Variants in CARS2 observed in about 807,000 individuals in gnomAD.
The protein encoded by CARS2 is cysteinyl-tRNA synthetase 2, mitochondrial.
A neutral mutation model predicts 68.8 loss-of-function variants in CARS2; 52 were observed. The observed-to-expected ratio is 0.76, with a 90% CI of 0.61 to 0.95. The LOEUF (loss-of-function observed/expected upper bound fraction) is 0.95, where lower values mean the gene tolerates loss of function less well. Ranked by LOEUF, CARS2 falls within the 40% of genes least tolerant of loss-of-function variation. The probability of loss-of-function intolerance (pLI) is 0.00; values close to 1 mark genes in which losing one functional copy is unlikely to be tolerated. For missense variants in CARS2, 780 were observed against 754.2 expected, an observed-to-expected ratio of 1.03 and a Z score of -0.40; for synonymous variants, 314 against 303.6, an observed-to-expected ratio of 1.03 and a Z score of -0.36.
At chr13:110,643,977 C>T (rs1040955297) in intron 13 of CARS2, 15 of 534,322 alleles carry the variant, frequency 2.8e-5, no homozygotes, top group African/African-American at 2.0e-4. Context: ...TCGGGGAGCC[C>T]GTCCTGTCCG....
intron 3 of CARS2, among the ~76,000 whole-genome samples, chr13:110,694,277 C>T (rs775672114): frequency 1.4e-4 from 21 of 151,360 alleles, no homozygotes; most frequent in East Asian, 4.0e-4. Context: ...CCTCCCACCT[C>T]GGCCTCCCAA....
Position 110,642,295 on chromosome 13 carries a change from G to T in CARS2, c.1623+20C>A. On this transcript the variant is annotated intron_variant, in intron 14 of 14. Coordinates refer to ENST00000257347, the MANE Select transcript of CARS2 (RefSeq NM_024537.4). ...ACCCGGCTCCTGGGGTGATGTCCCT[G>T]ACCTTGGTGCGGCACTCACCTTGAT... 1 of 1,540,542 alleles carries T rather than the reference G, an allele frequency of 6.5e-7. No individual in the cohort carries two copies. The highest frequency in any genetic ancestry group is 1.2e-5 in the South Asian group (1 of 83,764).
At chr13:110,652,443 A>G (rs1172112650) in intron 9 of CARS2, among the ~76,000 whole-genome samples, 3 of 152,232 alleles carry the variant, frequency 2.0e-5, no homozygotes, top group Non-Finnish European at 4.4e-5. Flanking sequence ...AACACACACA[A>G]CTGAAGAGCG....
chr13:110,663,407 C>A lies in CARS2; in HGVS notation c.987+44G>T, dbSNP rs370661384. 2.5e-5 allele frequency: 40 copies of A among 1,584,340 alleles called. No individual in the cohort carries two copies. The African/African-American group carries it at 5.0e-4, about 20-fold the overall frequency. On this transcript the variant is annotated intron_variant, in intron 9 of 14. Coordinates refer to ENST00000257347, the MANE Select transcript of CARS2 (RefSeq NM_024537.4). ...ACAGAAGCCTTTAAGATGGGTTCCA[C>A]AAGCTATCGGCACCTCAGAGATACA...
At position 110,642,406 on chromosome 13, in the gene CARS2, G is replaced by C; in HGVS notation, c.1532C>G (p.Ala511Gly). The stretch of plus-strand genomic sequence containing the variant: ...CCTTTCTAGGAGCTGCTGCCGCCGG[G>C]CGTCCCCCGTGGCCTCGGGCATGGC... ...ALAMPEATGD[A>G]RRQQLLERQP... The change falls in exon 14 of 15, where the codon GCC becomes GGC. Residue 511 changes from alanine (A) to glycine (G), a missense_variant. Transcript: ENST00000257347. 6.3e-7 allele frequency: 1 copy of C among 1,585,084 alleles called. No homozygotes were observed. The highest frequency in any genetic ancestry group is 8.6e-7 in the Non-Finnish European group (1 of 1,165,610).
In CARS2 at chr13:110,651,075, T is replaced by C. The variant is rs373398364; in HGVS notation, c.1013A>G (p.Asp338Gly). The C allele has an allele frequency of 6.8e-6, 11 of 1,613,324 alleles. No homozygotes were observed. In the African/African-American group the frequency reaches 1.5e-4, roughly 22 times the overall value. ...CCGCAGGCAGAAGAACCGGAAGACA[T>C]CGGGGGAAAAGGTCTTCAGAAAGTC... ...IKDFLKTFSP[D>G]VFRFFCLRSS... The change falls in exon 10 of 15, where the codon GAT becomes GGT. Residue 338 changes from aspartate (D) to glycine (G), a missense_variant. By Grantham distance (94) the Asp-to-Gly change is moderately conservative. Coordinates refer to ENST00000257347, the MANE Select transcript of CARS2 (RefSeq NM_024537.4).
intron 1 of CARS2, chr13:110,712,534 G>GGGGT: frequency 3.2e-6 from 1 of 314,914 alleles, no homozygotes; most frequent in South Asian, 2.6e-5. Flanking sequence ...GCCGGAAGGG[G>GGGGT]GGGGGCCGGC....
Position 110,642,373 on chromosome 13 carries a change from A to G in CARS2, c.1565T>C (p.Leu522Pro). The change falls in exon 14 of 15, where the codon CTG becomes CCG. Residue 522 changes from leucine (L) to proline (P), a missense_variant. Physicochemically the swap from Leu to Pro is moderately conservative, Grantham distance 98. Transcript: ENST00000257347. ...GCGCAGGGTGTCGCATGCTTCCAGC[A>G]GGGGCTGCCTTTCTAGGAGCTGCTG... ...RRQQLLERQP[L>P]LEACDTLRRG... The G allele has an allele frequency of 6.4e-7, 1 of 1,560,358 alleles. No individual in the cohort carries two copies. Among genetic ancestry groups the G allele is most frequent in the South Asian group, 1.2e-5 (1 of 85,034 alleles).
intron 5 of CARS2, among the ~76,000 whole-genome samples, chr13:110,685,991 TGAAAAAAAAAAAAAAAGAGAAAAAAA>T (rs950096567): frequency 2.5e-4 from 3 of 12,224 alleles, no homozygotes; most frequent in African/African-American, 9.5e-4. Context: ...CCAGAAAAAA[TGAAAAAAAAAAAAAAAGAGAAAAAAA>T]GAAAAAAAGA....
intron 3 of CARS2, among the ~76,000 whole-genome samples, chr13:110,693,561 G>A (rs546580068): frequency 1.4e-4 from 21 of 152,124 alleles, no homozygotes; most frequent in African/African-American, 2.9e-4. Flanking sequence ...GGGTTTTACC[G>A]TGTTAGCCAG....
At chr13:110,674,329 A>G (rs2062884279) in intron 7 of CARS2, among the ~76,000 whole-genome samples, 1 of 152,008 alleles carries the variant, frequency 6.6e-6, no homozygotes, top group Non-Finnish European at 1.5e-5. Flanking sequence ...CTACAAGGCT[A>G]CAGTAACCAA....
At chr13:110,712,532 G>GGT (rs1555306518) in intron 1 of CARS2, 1 of 315,178 alleles carries the variant, frequency 3.2e-6, no homozygotes, top group Non-Finnish European at 6.2e-6. Context: ...TGGCCGGAAG[G>GGT]GGGGGGGCCG....
intron 2 of CARS2, among the ~76,000 whole-genome samples, chr13:110,704,445 C>T (rs28513972): frequency 0.12 from 18,261 of 152,242 alleles, 1,761 homozygotes; most frequent in African/African-American, 0.26. Context: ...CAGAGTATGC[C>T]GGGCATGGTG....
chr13:110,646,871 C>T, intron 11 of CARS2: 1 of 504,394 alleles, frequency 2.0e-6, no homozygotes, highest in Non-Finnish European at 3.5e-6. Flanking sequence ...GACCCCACAC[C>T]TCCTGTCCAG....
At position 110,665,363 on chromosome 13, in the gene CARS2, T is replaced by C. The variant is rs1244110077; in HGVS notation, c.920-1845A>G. The C allele has an allele frequency of 1.2e-6, 1 of 820,292 alleles. No individual in the cohort carries two copies. Among genetic ancestry groups the C allele is most frequent in the Non-Finnish European group, 1.5e-6 (1 of 679,372 alleles). 50.8% of individuals were successfully genotyped at this position (820,292 alleles called of 1,614,324 possible). A position where few individuals can be genotyped will look rare whatever the true frequency, so the allele number is the denominator to read the frequency against. On this transcript the variant is annotated intron_variant, in intron 8 of 14. Coordinates refer to ENST00000257347, the MANE Select transcript of CARS2 (RefSeq NM_024537.4). The surrounding 1 kb of genome is among the most constrained non-coding windows in gnomAD (Gnocchi z 4.3). ...AGAACAGCTGAGGCAGGAGAATTGC[T>C]TGAACCCAGGAGGCAGAGGTTGCGG...
At chr13:110,690,312 T>C (rs752529392) in intron 3 of CARS2, among the ~76,000 whole-genome samples, 1 of 152,150 alleles carries the variant, frequency 6.6e-6, no homozygotes, top group Non-Finnish European at 1.5e-5. Flanking sequence ...CCAGGAGAAG[T>C]CAAATGGCAT....
intron 11 of CARS2, 175 bp downstream of exon 11, chr13:110,646,926 T>C (rs1292728611): frequency 3.6e-5 from 26 of 714,656 alleles, no homozygotes; most frequent in Admixed American, 6.1e-5. Context: ...ACCCCACACC[T>C]GCACCTCCTG....
At position 110,682,573 on chromosome 13, in the gene CARS2, T is replaced by C. The variant is rs796773023; in HGVS notation, c.655+478A>G. On this transcript the variant is annotated intron_variant, in intron 6 of 14. Transcript: ENST00000257347. ...AAATTATTTTAAATTTAGTTCCATATACTGCGCTTACTATTTCTTCTCCAT... is the reference window on the plus strand; with the variant it reads ...AAATTATTTTAAATTTAGTTCCATACACTGCGCTTACTATTTCTTCTCCAT... Among the ~76,000 whole-genome samples, 62 of 152,356 alleles carry C rather than the reference T, an allele frequency of 4.1e-4. 1 individual carries two copies. The highest frequency in any genetic ancestry group is 3.4e-3 in the Middle Eastern group (1 of 294).
chr13:110,666,621 T>C (rs1010355324), intron 8 of CARS2: 1 of 985,332 alleles, frequency 1.0e-6, no homozygotes, highest in Admixed American at 6.1e-5. Context: ...ACTTCTGCAC[T>C]TAATGTCACT....
Sources: allele counts gnomAD v4.1 joint callset (sites outside exome capture counted in the v4.1 genomes callset), GRCh38; gene constraint gnomAD v4.1.1; non-coding constraint Gnocchi (gnomAD v3.1); transcripts MANE v1.5; gene names NCBI Gene and HGNC (gene_info 2026-07-23, HGNC 2026-07-21).